STAB1: variants seen among roughly 807,000 people sequenced by gnomAD.
STAB1 encodes stabilin-1.
Under a neutral mutation model 332.4 loss-of-function variants are expected in STAB1, and 250 were observed. The observed-to-expected ratio is 0.75, with a 90% CI of 0.68 to 0.84. STAB1 has a LOEUF of 0.84. Among genes scored for constraint, STAB1 ranks in the 40% least tolerant of loss-of-function variants. The pLI is 0.00. For synonymous variants in STAB1, 1,475 were observed against 1,390.4 expected (o/e 1.06, Z -1.35); for missense variants, 3,249 against 3,489.7 (o/e 0.93, Z 1.74).
Position 52,503,760 on chromosome 3 carries a change from G to C in STAB1, c.892-12G>C, listed in dbSNP as rs187862454. On this transcript the variant is annotated splice_polypyrimidine_tract_variant and intron_variant, in intron 8 of 68. Transcript: ENST00000321725. ...GGACGTGGTGTTCCCCTCCTGCCCT[G>C]TCGGGGGCCAGGCCTTCTGCACCTG... 9 of 1,612,924 alleles carry C rather than the reference G, an allele frequency of 5.6e-6. No homozygotes were observed. The African/African-American group carries it at 1.1e-4, about 19-fold the overall frequency.
At chr3:52,509,789 A>C in intron 22 of STAB1, 81 bp from the exon 23 acceptor site, 1 of 1,520,342 alleles carries the variant, frequency 6.6e-7, no homozygotes, top group Non-Finnish European at 9.1e-7. Flanking sequence ...CCCACTCCCT[A>C]TATCCCCCAA....
chr3:52,524,380 G>A lies in STAB1; in HGVS notation c.*24G>A. ...GACGAGGCTGGGGCTGAAAGCAGAA[G>A]CATGCACAGGGAGGAGACCACTTTT... On this transcript the variant is annotated 3_prime_UTR_variant, in exon 69 of 69. Transcript: ENST00000321725. 1 of 1,613,570 alleles carries A rather than the reference G, an allele frequency of 6.2e-7. No homozygotes were observed. Among genetic ancestry groups the A allele is most frequent in the Non-Finnish European group, 8.5e-7 (1 of 1,179,948 alleles).
At chr3:52,499,139 G>A (rs1028095487) in intron 1 of STAB1, among the ~76,000 whole-genome samples, 1 of 152,248 alleles carries the variant, frequency 6.6e-6, no homozygotes, top group Non-Finnish European at 1.5e-5. Context: ...TTTTCAAGAT[G>A]AGAACATCTC....
Position 52,514,773 on chromosome 3 carries a change from G to A in STAB1, c.3751G>A (p.Gly1251Arg), listed in dbSNP as rs1361788182. The A allele has an allele frequency of 6.2e-7, 1 of 1,613,004 alleles. No individual in the cohort carries two copies. Among genetic ancestry groups the A allele is most frequent in the Non-Finnish European group, 8.5e-7 (1 of 1,179,996 alleles). ...APGRSLIGLS[G>R]VLTVGSSRCL... ...TGGCCGCTCGCTGATTGGTCTGTCG[G>A]GGGTCCTGACGGTGGGCTCAAGTCG... Residue 1251 changes from glycine (G) to arginine (R), a missense_variant, in exon 35 of 69, where the codon GGG becomes AGG. Gly to Arg is a moderately radical substitution (Grantham distance 125). Coordinates refer to ENST00000321725, the MANE Select transcript of STAB1 (RefSeq NM_015136.3).
intron 30 of STAB1, 111 bp downstream of exon 30, chr3:52,513,352 C>A (rs1467396041): frequency 1.6e-5 from 16 of 1,018,188 alleles, no homozygotes; most frequent in Non-Finnish European, 2.1e-5. Context: ...ATTGGGGTCC[C>A]CTCGCCCTGC....
At chr3:52,509,478 T>C in intron 22 of STAB1, 157 bp downstream of exon 22, 1 of 646,296 alleles carries the variant, frequency 1.5e-6, no homozygotes, top group East Asian at 2.8e-5. Context: ...CTGGGGGCTC[T>C]CAAGAAGGGA....
intron 34 of STAB1, 54 bp downstream of exon 34, chr3:52,514,550 T>C (rs1279244619): frequency 2.3e-5 from 36 of 1,532,112 alleles, no homozygotes; most frequent in Non-Finnish European, 3.1e-5. Flanking sequence ...CCCCTGAAGA[T>C]CCCTTCCCTT....
chr3:52,502,018 G>A lies in STAB1; in HGVS notation c.344G>A (p.Gly115Asp). The change falls in exon 4 of 69, where the codon GGC (glycine) becomes GAC (aspartate). Residue 115 changes from glycine to aspartate, a missense_variant. Coordinates refer to ENST00000321725, the MANE Select transcript of STAB1 (RefSeq NM_015136.3). ...TGGGGGTCCACAGAATGCCCTGGGG[G>A]CGCTGAGACCCCATGCAATGGCCAC... ...WGSRCHECPG[G>D]AETPCNGHGT... 1 of 1,612,622 alleles carries A rather than the reference G, an allele frequency of 6.2e-7. No homozygotes were observed. Among genetic ancestry groups the A allele is most frequent in the Non-Finnish European group, 8.5e-7 (1 of 1,180,004 alleles).
Position 52,504,758 on chromosome 3 carries a change from T to C in STAB1, c.1259T>C (p.Leu420Pro). ...RTMNASLAQQLCRQHIIAGQH... is the reference protein window; with the variant it reads ...RTMNASLAQQPCRQHIIAGQH... The stretch of plus-strand genomic sequence containing the variant: ...CTGCAGGCATCCCTTGCCCAGCAGC[T>C]CTGTAGACAGCACATCATCGCAGGG... Residue 420 changes from leucine to proline, a missense_variant, in exon 12 of 69, where the codon CTC becomes CCC. Coordinates refer to ENST00000321725, the MANE Select transcript of STAB1 (RefSeq NM_015136.3). The C allele has an allele frequency of 6.2e-7, 1 of 1,613,814 alleles. No homozygotes were observed. The highest frequency in any genetic ancestry group is 2.2e-5 in the East Asian group (1 of 44,882).
At chr3:52,518,455 CTG>C in intron 46 of STAB1, 79 bp from the exon 47 acceptor site, 3 of 1,565,886 alleles carry the variant, frequency 1.9e-6, no homozygotes, top group Non-Finnish European at 2.6e-6. Context: ...TTTGTTCTCT[CTG>C]AGTCCAGGTC....
At chr3:52,505,642 C>T in intron 14 of STAB1, 26 bp from the exon 15 acceptor site, 3 of 1,609,488 alleles carry the variant, frequency 1.9e-6, no homozygotes, top group Non-Finnish European at 2.5e-6. Flanking sequence ...CATGCAACCC[C>T]CTGAGCCTCC....
Position 52,523,548 on chromosome 3 carries a change from G to A in STAB1, c.7262G>A (p.Gly2421Asp). 1 of 1,612,806 alleles carries A rather than the reference G, an allele frequency of 6.2e-7. No individual in the cohort carries two copies. The highest frequency in any genetic ancestry group is 8.5e-7 in the Non-Finnish European group (1 of 1,179,996). ...SGLSLIISDA[G>D]PDNSSWAPVA... is the part of the protein sequence containing the mutation. The stretch of plus-strand genomic sequence containing the variant: ...CTCAGCCTCATCATCAGTGACGCAG[G>A]CCCTGACAACAGTTCCTGGGCCCCT... Residue 2421 changes from glycine to aspartate, a missense_variant, in exon 65 of 69, where the codon GGC becomes GAC. By Grantham distance (94) the Gly-to-Asp change is moderately conservative (BLOSUM62 -1). Transcript: ENST00000321725.
At position 52,516,403 on chromosome 3, in the gene STAB1, G is replaced by A. The variant is rs368347598; in HGVS notation, c.4192G>A (p.Gly1398Arg). ...GLCQEGLQGD[G>R]SCVCNVGWQG... ...GTGCCAGGAGGGGCTGCAAGGGGAC[G>A]GAAGCTGTGTCTGTAACGTGGGCTG... Residue 1398 changes from glycine (G) to arginine (R), a missense_variant, in exon 39 of 69, where the codon GGA becomes AGA. Gly to Arg is a moderately radical substitution (Grantham distance 125, BLOSUM62 -2). Transcript: ENST00000321725. 18 of 1,610,844 alleles carry A rather than the reference G, an allele frequency of 1.1e-5. No homozygotes were observed. Among genetic ancestry groups the A allele is most frequent in the South Asian group, 3.3e-5 (3 of 90,852 alleles).
chr3:52,520,416 G>C lies in STAB1; in HGVS notation c.5516G>C (p.Gly1839Ala). The change falls in exon 53 of 69, where the codon GGT (glycine) becomes GCT (alanine). Residue 1839 changes from glycine to alanine, a missense_variant. Coordinates refer to ENST00000321725, the MANE Select transcript of STAB1 (RefSeq NM_015136.3). Reference protein sequence around the residue: ...SRTRAGELMVGEDDARIVQRH... With the variant: ...SRTRAGELMVAEDDARIVQRH... ...TCCTTGCAGGGTGAGCTCATGGTGG[G>C]TGAGGATGATGCTCGCATTGTGCAG... 6 of 1,612,048 alleles carry C rather than the reference G, an allele frequency of 3.7e-6. No individual in the cohort carries two copies. The highest frequency in any genetic ancestry group is 5.1e-6 in the Non-Finnish European group (6 of 1,179,182).
chr3:52,506,774 A>C lies in STAB1; in HGVS notation c.1913A>C (p.Asp638Ala), dbSNP rs371745166. Residue 638 changes from aspartate (D) to alanine (A), a missense_variant, in exon 18 of 69, where the codon GAC (aspartate) becomes GCC (alanine). Transcript: ENST00000321725. ...GCCAATGGTGTGATCCACATGCTGGACGGCATCCTGCTGCCCCCGACCATC... is the reference window on the plus strand; with the variant it reads ...GCCAATGGTGTGATCCACATGCTGGCCGGCATCCTGCTGCCCCCGACCATC... ...MAANGVIHML[D>A]GILLPPTILP... is the part of the protein sequence containing the mutation. 5 of 1,612,686 alleles carry C rather than the reference A, an allele frequency of 3.1e-6. No individual in the cohort carries two copies. The highest frequency in any genetic ancestry group is 4.2e-6 in the Non-Finnish European group (5 of 1,179,630).
chr3:52,511,571 CAGAG>C, intron 25 of STAB1, 75 bp from the exon 26 acceptor site: 1 of 1,364,404 alleles, frequency 7.3e-7, no homozygotes. Context: ...GGGCAGTGAC[CAGAG>C]AGAGCCAAGT....
At position 52,514,387 on chromosome 3, in the gene STAB1, A is replaced by C; in HGVS notation, c.3569A>C (p.His1190Pro). The C allele has an allele frequency of 6.5e-7, 1 of 1,549,840 alleles. No homozygotes were observed. The highest frequency in any genetic ancestry group is 8.7e-7 in the Non-Finnish European group (1 of 1,147,470). Residue 1190 changes from histidine (H) to proline (P), a missense_variant, in exon 34 of 69, where the codon CAT (histidine) becomes CCT (proline). His to Pro is a moderately conservative substitution (Grantham distance 77, BLOSUM62 -2). Coordinates refer to ENST00000321725, the MANE Select transcript of STAB1 (RefSeq NM_015136.3). ...CAGGACGCAGACACAGTGCGGCACC[A>C]TGTGGTCCTGGGGGAGGCCCTCTCC... is the stretch of plus-strand genomic sequence containing the variant. ...SHLDADTVRH[H>P]VVLGEALSME...
intron 1 of STAB1, among the ~76,000 whole-genome samples, chr3:52,499,700 C>CT (rs1708296237): frequency 1.3e-5 from 2 of 150,366 alleles, no homozygotes; most frequent in South Asian, 4.4e-4. Context: ...GAGATCGAGA[C>CT]CAACCCCGCT....
At position 52,507,981 on chromosome 3, in the gene STAB1, T is replaced by G; in HGVS notation, c.2103T>G (p.Asn701Lys). 1.2e-6 allele frequency: 2 copies of G among 1,613,628 alleles called. No individual in the cohort carries two copies. The highest frequency in any genetic ancestry group is 8.5e-7 in the Non-Finnish European group (1 of 1,179,972). The change falls in exon 20 of 69, where the codon AAT (asparagine) becomes AAG (lysine). Residue 701 changes from asparagine to lysine, a missense_variant. Asn to Lys is a moderately conservative substitution (Grantham distance 94). Coordinates refer to ENST00000321725, the MANE Select transcript of STAB1 (RefSeq NM_015136.3). Reference protein sequence around the residue: ...CVYIHDPTGLNVLKKGCASYC... With the variant: ...CVYIHDPTGLKVLKKGCASYC... ...ACATCCATGACCCAACGGGGCTCAA[T>G]GTGCTAAAGAAGGGCTGTGCCAGCT...
Sources: allele counts gnomAD v4.1 joint callset (sites outside exome capture counted in the v4.1 genomes callset), GRCh38; gene constraint gnomAD v4.1.1; transcripts MANE v1.5; gene names NCBI Gene and HGNC (gene_info 2026-07-23, HGNC 2026-07-21).